The following ANO4 variants were observed in gnomAD, a reference collection of about 807,000 sequenced individuals.
ANO4 encodes the protein anoctamin-4.
Under a neutral mutation model 141.9 loss-of-function variants are expected in ANO4, and 69 were observed. The ratio of observed to expected loss-of-function variants is 0.49; its 90% CI spans 0.40 to 0.59. ANO4 has a LOEUF of 0.59. Ranked by LOEUF, ANO4 falls within the 20% of genes least tolerant of loss-of-function variation. ANO4 has a pLI of 0.00. For synonymous variants in ANO4, 350 were observed against 394.3 expected (o/e 0.89, Z 1.33); for missense variants, 894 against 1,162.2 (o/e 0.77, Z 3.36).
Position 101,079,245 on chromosome 12 carries a change from C to T in ANO4, c.1365C>T (p.Asp455=). The T allele has an allele frequency of 6.2e-7, 1 of 1,613,968 alleles. No homozygotes were observed. The highest frequency in any genetic ancestry group is 8.5e-7 in the Non-Finnish European group (1 of 1,179,918). The stretch of plus-strand genomic sequence containing the variant: ...GACGGCGAGCAGTAATTGCTTATGA[C>T]TGGGATTTGATAGACTGGGAAGAAG... ...WKRRRAVIAY[D]WDLIDWEEEE... The change falls in exon 15 of 28, where the codon GAC becomes GAT. Residue 455 remains aspartate (D), a synonymous_variant. Transcript: ENST00000392977.
chr12:100,827,985 G>T (rs1195645067), intron 1 of ANO4, among the ~76,000 whole-genome samples: 1 of 151,988 alleles, frequency 6.6e-6, no homozygotes, highest in Non-Finnish European at 1.5e-5. Flanking sequence ...ATTTCAAATG[G>T]ATAGGGGTAA....
intron 3 of ANO4, among the ~76,000 whole-genome samples, chr12:100,746,853 G>A (rs2032136121): frequency 6.6e-6 from 1 of 152,188 alleles, no homozygotes; most frequent in South Asian, 2.1e-4. Context: ...GCTTGGTGAA[G>A]TATGATTAGC....
Position 101,127,493 on chromosome 12 carries a change from AG to A in ANO4, c.*5-366del, listed in dbSNP as rs1373439568. ...TGAAAGCCTCAGCGGCCAGAGACCA[AG>A]GTGCAACAGGGCTGTCCTGGGCTGC... On this transcript the variant is annotated intron_variant, in intron 27 of 27. Transcript: ENST00000392977. Among the ~76,000 whole-genome samples, 12 of 152,304 alleles carry A rather than the reference AG, an allele frequency of 7.9e-5. No homozygotes were observed. The East Asian group carries it at 2.3e-3, about 29-fold the overall frequency.
intron 2 of ANO4, among the ~76,000 whole-genome samples, chr12:100,734,631 C>T (rs142656902): frequency 6.0e-4 from 91 of 152,254 alleles, no homozygotes; most frequent in African/African-American, 1.6e-3. Flanking sequence ...AGGAAACTTG[C>T]GCTTTGCCAC....
At chr12:100,717,489 C>CGACGCCCTGGCCAGTCTGGGCAG, upstream of ANO4, 1 of 398,698 alleles carries the variant, frequency 2.5e-6, no homozygotes, top group Admixed American at 4.4e-5. Context: ...CCGCTCTAGC[C>CGACGCCCTGGCCAGTCTGGGCAG]GACGCCCTGG....
chr12:100,735,231 A>C (rs976464454), intron 2 of ANO4, among the ~76,000 whole-genome samples: 3 of 152,194 alleles, frequency 2.0e-5, no homozygotes, highest in African/African-American at 7.2e-5. Flanking sequence ...CCTGATAGAA[A>C]CACAAAAGTA....
chr12:100,892,515 T>G (rs1396380840), intron 1 of ANO4, among the ~76,000 whole-genome samples: 1 of 152,210 alleles, frequency 6.6e-6, no homozygotes, highest in African/African-American at 2.4e-5. Flanking sequence ...TTTGAGAATA[T>G]TTGAGTTTAG....
At chr12:100,723,043 G>A (rs2030937912) in intron 1 of ANO4, among the ~76,000 whole-genome samples, 2 of 151,858 alleles carry the variant, frequency 1.3e-5, no homozygotes, top group African/African-American at 4.8e-5. Context: ...GACACTCATG[G>A]TCAACATCGA....
chr12:101,027,577 C>A lies in ANO4; in HGVS notation c.841+7437C>A, dbSNP rs550148421. On this transcript the variant is annotated intron_variant, in intron 9 of 27. Coordinates refer to ENST00000392977, the MANE Select transcript of ANO4 (RefSeq NM_001286615.2). ...CCAAGAGTGGTCCCCCACAGCTCAACACACTGGCTGTGGCAGACTGCAACA... is the reference window on the plus strand; with the variant it reads ...CCAAGAGTGGTCCCCCACAGCTCAAAACACTGGCTGTGGCAGACTGCAACA... 6.6e-5 allele frequency among the ~76,000 whole-genome samples: 10 copies of A among 152,344 alleles called. No homozygotes were observed. In the East Asian group the frequency reaches 1.7e-3, roughly 26 times the overall value.
intron 3 of ANO4, among the ~76,000 whole-genome samples, chr12:100,936,174 G>A (rs1307612753): frequency 6.6e-6 from 1 of 152,160 alleles, no homozygotes; most frequent in Non-Finnish European, 1.5e-5. Flanking sequence ...ATTCTGATGG[G>A]AAAGAAAGAG....
At chr12:101,040,285 A>T (rs1030386037) in intron 11 of ANO4, among the ~76,000 whole-genome samples, 1 of 152,206 alleles carries the variant, frequency 6.6e-6, no homozygotes. Context: ...AATTTCCCCC[A>T]AAAAGAGTCT....
At chr12:100,893,677 G>A (rs777275701) in intron 1 of ANO4, among the ~76,000 whole-genome samples, 1 of 152,116 alleles carries the variant, frequency 6.6e-6, no homozygotes, top group South Asian at 2.1e-4. Context: ...ATGGAGCAGG[G>A]AATATACCTT....
At chr12:100,765,675 C>T (rs79016201) in intron 3 of ANO4, among the ~76,000 whole-genome samples, 8,333 of 127,780 alleles carry the variant, frequency 0.065, 693 homozygotes, top group African/African-American at 0.21. Context: ...CACGCCTGGC[C>T]TTTGTTTATG....
chr12:100,788,321 G>A (rs911020577), intron 3 of ANO4, among the ~76,000 whole-genome samples: 5 of 152,152 alleles, frequency 3.3e-5, no homozygotes, highest in African/African-American at 1.2e-4. Flanking sequence ...GGGATCTATT[G>A]AACTTCCTGA....
chr12:100,719,668 A>G (rs1453197968), intron 1 of ANO4, among the ~76,000 whole-genome samples: 3 of 152,200 alleles, frequency 2.0e-5, no homozygotes, highest in African/African-American at 7.2e-5. Context: ...GAACAGTTAC[A>G]CTGTAGACCA....
intron 5 of ANO4, among the ~76,000 whole-genome samples, chr12:100,965,750 T>G (rs962994487): frequency 6.6e-6 from 1 of 151,992 alleles, no homozygotes; most frequent in African/African-American, 2.4e-5. Context: ...TCTTTCAGAT[T>G]TCAGGATAAA....
chr12:101,094,388 C>T, intron 18 of ANO4, 96 bp downstream of exon 18: 1 of 975,774 alleles, frequency 1.0e-6, no homozygotes, highest in South Asian at 2.1e-5. Context: ...AAGAAATAGT[C>T]CCTTTATTTT....
At chr12:100,874,629 C>G (rs1420892614) in intron 1 of ANO4, among the ~76,000 whole-genome samples, 3 of 152,110 alleles carry the variant, frequency 2.0e-5, no homozygotes, top group Admixed American at 2.0e-4. Flanking sequence ...AAGTGATGCT[C>G]CTGCCTCAAC....
At chr12:100,761,019 C>T (rs941762698) in intron 3 of ANO4, among the ~76,000 whole-genome samples, 5 of 152,328 alleles carry the variant, frequency 3.3e-5, no homozygotes, top group Admixed American at 6.5e-5. Context: ...AGTTCTTTCT[C>T]TTGCCCCTTT....
Sources: allele counts gnomAD v4.1 joint callset (sites outside exome capture counted in the v4.1 genomes callset), GRCh38; gene constraint gnomAD v4.1.1; transcripts MANE v1.5; gene names NCBI Gene and HGNC (gene_info 2026-07-23, HGNC 2026-07-21).